The following SASH1 variants were observed in gnomAD, a reference collection of about 807,000 sequenced individuals.
The protein encoded by SASH1 is SAM and SH3 domain-containing protein 1.
Under a neutral mutation model 125.2 loss-of-function variants are expected in SASH1, and 44 were observed. The observed-to-expected ratio is 0.35, with a 90% CI of 0.28 to 0.45. The LOEUF (loss-of-function observed/expected upper bound fraction) is 0.45. Among genes scored for constraint, SASH1 ranks in the 20% least tolerant of loss-of-function variants. The probability of loss-of-function intolerance (pLI) is 1.00; values close to 1 mark genes in which losing one functional copy is unlikely to be tolerated. For synonymous variants in SASH1, 639 were observed against 649.1 expected (o/e 0.98, Z 0.24); for missense variants, 1,426 against 1,614.5 (o/e 0.88, Z 2.00).
rs1317742534 is a variant in SASH1, at chr6:148,473,287, C to G, written c.515-823C>G. Among the ~76,000 whole-genome samples the G allele has an allele frequency of 2.0e-5, 3 of 152,144 alleles. No individual in the cohort carries two copies. The East Asian group carries it at 5.8e-4, about 29-fold the overall frequency. ...TTTTGTCTTCAGATGGAGTCTTGCT[C>G]TGTCACGTAGGCTGGAGTGCAGTGG... On this transcript the variant is annotated intron_variant, in intron 6 of 19. Coordinates refer to ENST00000367467, the MANE Select transcript of SASH1 (RefSeq NM_015278.5).
rs117208613 is a variant in SASH1, at chr6:148,474,289, G to A, written c.627+67G>A. The stretch of plus-strand genomic sequence containing the variant: ...CTTTCTGAAGTGTAAAAATGTTTGC[G>A]GCCAACAAGGGGTATAGGAATCAGG... On this transcript the variant is annotated intron_variant, in intron 7 of 19. Coordinates refer to ENST00000367467, the MANE Select transcript of SASH1 (RefSeq NM_015278.5). 1.7e-4 allele frequency: 155 copies of A among 908,850 alleles called. No homozygotes were observed. The East Asian group carries it at 2.8e-3, about 17-fold the overall frequency. The allele number at this position is 908,850 out of a possible 1,614,324, so 56.3% of individuals were successfully genotyped here.
the SASH1 span, among the ~76,000 whole-genome samples, chr6:148,199,789 GGA>G: frequency 2.2e-5 from 3 of 138,746 alleles, no homozygotes; most frequent in Admixed American, 7.8e-5. Flanking sequence ...AAGGAAGGAA[GGA>G]GAGAGAGAGA....
chr6:148,288,800 C>A (rs1202102700), intron 1 of SASH1, among the ~76,000 whole-genome samples: 2 of 152,164 alleles, frequency 1.3e-5, no homozygotes, highest in African/African-American at 4.8e-5. Flanking sequence ...CAGCAGCTAG[C>A]CCCGGTGTCT....
intron 2 of SASH1, among the ~76,000 whole-genome samples, chr6:148,423,968 T>C (rs1775688955): frequency 6.7e-6 from 1 of 150,144 alleles, no homozygotes; most frequent in African/African-American, 2.5e-5. Context: ...AATCAAGTAG[T>C]GGAATTATAG....
intron 2 of SASH1, among the ~76,000 whole-genome samples, chr6:148,420,979 G>A (rs1785035161): frequency 6.6e-6 from 1 of 152,036 alleles, no homozygotes; most frequent in African/African-American, 2.4e-5. Context: ...GCTACTCAGG[G>A]TGGCTGAGGC....
At chr6:148,423,080 A>G (rs1316177027) in intron 2 of SASH1, among the ~76,000 whole-genome samples, 1 of 152,188 alleles carries the variant, frequency 6.6e-6, no homozygotes, top group African/African-American at 2.4e-5. Flanking sequence ...CTGGGACTAC[A>G]GGCGCACGCC....
the SASH1 span, among the ~76,000 whole-genome samples, chr6:148,225,702 T>A: frequency 6.6e-6 from 1 of 152,124 alleles, no homozygotes; most frequent in Non-Finnish European, 1.5e-5. Context: ...AAAAACCGCC[T>A]GTACCCCAAC....
In SASH1 at chr6:148,519,782, C is replaced by A. The variant is rs753644093; in HGVS notation, c.1098C>A (p.Pro366=). The part of the protein sequence containing the change: ...KGESRGLIKP[P]KKMGTFFSYP... Reference sequence around the variant, plus strand: ...AGAGCCGGGGCCTGATTAAGCCCCCCAAGAAGATGGGGACATTCTTCTCCT... The same window carrying A: ...AGAGCCGGGGCCTGATTAAGCCCCCAAAGAAGATGGGGACATTCTTCTCCT... Residue 366 remains proline (P), a synonymous_variant, in exon 10 of 20, where the codon CCC becomes CCA. Coordinates refer to ENST00000367467, the MANE Select transcript of SASH1 (RefSeq NM_015278.5). The surrounding 1 kb of genome is among the most constrained non-coding windows in gnomAD (Gnocchi z 4.8). 4 of 1,613,960 alleles carry A rather than the reference C, an allele frequency of 2.5e-6. No homozygotes were observed. In the South Asian group the frequency reaches 4.4e-5, roughly 18 times the overall value.
intron 1 of SASH1, among the ~76,000 whole-genome samples, chr6:148,324,254 A>G (rs189076525): frequency 1.1e-3 from 174 of 152,218 alleles, no homozygotes; most frequent in African/African-American, 3.7e-3. Flanking sequence ...ATTCCTTTGT[A>G]GTCAGGACAC....
chr6:148,410,670 A>G (rs1207586180), intron 2 of SASH1, among the ~76,000 whole-genome samples: 4 of 152,242 alleles, frequency 2.6e-5, no homozygotes, highest in African/African-American at 9.6e-5. Flanking sequence ...AAGCCTAATT[A>G]TAAGTTGCAC....
intron 1 of SASH1, among the ~76,000 whole-genome samples, chr6:148,369,220 G>A (rs1216800666): frequency 2.0e-5 from 3 of 152,194 alleles, no homozygotes; most frequent in Non-Finnish European, 2.9e-5. Flanking sequence ...TGTCTTTAGT[G>A]GCACAGCCTG....
chr6:148,450,215 C>T (rs1777028967), intron 4 of SASH1, among the ~76,000 whole-genome samples: 1 of 152,210 alleles, frequency 6.6e-6, no homozygotes, highest in Non-Finnish European at 1.5e-5. Context: ...CGAAAATACA[C>T]TCAGGCCACA....
intron 2 of SASH1, among the ~76,000 whole-genome samples, chr6:148,402,949 T>A (rs1784233289): frequency 6.6e-6 from 1 of 152,114 alleles, no homozygotes; most frequent in South Asian, 2.1e-4. Context: ...GTTGACATAG[T>A]TCCTGGGTAC....
At chr6:148,307,094 TTCTCTCTCTCTGTCTC>T (rs1780164118) in intron 1 of SASH1, among the ~76,000 whole-genome samples, 1 of 120,690 alleles carries the variant, frequency 8.3e-6, no homozygotes, top group African/African-American at 3.2e-5. Flanking sequence ...CTTTCTTTCT[TTCTCTCTCTCTGTCTC>T]TTTCTTTCTT....
chr6:148,241,659 C>A, the SASH1 span, among the ~76,000 whole-genome samples: 1 of 152,178 alleles, frequency 6.6e-6, no homozygotes, highest in Non-Finnish European at 1.5e-5. Flanking sequence ...CATATAGCTG[C>A]ATAAAGCAGT....
At chr6:148,422,299 T>C (rs1410785502) in intron 2 of SASH1, among the ~76,000 whole-genome samples, 2 of 152,260 alleles carry the variant, frequency 1.3e-5, no homozygotes, top group Admixed American at 6.5e-5. Context: ...GGATAAACAG[T>C]ACTCCACCTT....
chr6:148,444,468 A>G (rs1472228706), intron 4 of SASH1, among the ~76,000 whole-genome samples: 2 of 152,146 alleles, frequency 1.3e-5, no homozygotes, highest in Admixed American at 1.3e-4. Flanking sequence ...TGACCTGCAT[A>G]TACAAGAGGT....
At position 148,514,453 on chromosome 6, in the gene SASH1, G is replaced by A. The variant is rs1780324661; in HGVS notation, c.859G>A (p.Glu287Lys). The A allele has an allele frequency of 7.4e-6, 2 of 268,770 alleles. No homozygotes were observed. The highest frequency in any genetic ancestry group is 5.3e-5 in the South Asian group (1 of 19,036). 16.6% of individuals were successfully genotyped at this position (268,770 alleles called of 1,614,324 possible). A position where few individuals can be genotyped will look rare whatever the true frequency, so the allele number is the denominator to read the frequency against. The change falls in exon 9 of 20, where the codon GAA becomes AAA. Residue 287 changes from glutamate (E) to lysine (K), a missense_variant. By Grantham distance (56) the Glu-to-Lys change is moderately conservative. Transcript: ENST00000367467. ...RVEEMKKPST[E>K]GGEEHVFENS... ...GGAAGAAATGAAAAAACCCAGCACT[G>A]AAGGTAAAAAAAAAAAAAAAAAAAA...
chr6:148,196,415 T>C, the SASH1 span, among the ~76,000 whole-genome samples: 7 of 152,172 alleles, frequency 4.6e-5, no homozygotes, highest in Non-Finnish European at 8.8e-5. Context: ...ACGAACCATA[T>C]ATGAAAGTGC....
Sources: gnomAD v4.1 joint callset for allele counts (sites outside exome capture counted in the v4.1 genomes callset) on GRCh38, gnomAD v4.1.1 for gene constraint, Gnocchi (gnomAD v3.1) non-coding constraint, MANE v1.5 for transcripts, NCBI Gene and HGNC (gene_info 2026-07-23, HGNC 2026-07-21) for gene names.